DTWD2: variants seen among roughly 807,000 people sequenced by gnomAD.
DTWD2 encodes the protein tRNA-uridine aminocarboxypropyltransferase 2.
A neutral mutation model predicts 31.8 loss-of-function variants in DTWD2; 39 were observed. The observed-to-expected ratio is 1.22, with a 90% CI of 0.95 to 1.60. The LOEUF (loss-of-function observed/expected upper bound fraction) is 1.60, where lower values mean the gene tolerates loss of function less well. Ranked by LOEUF, DTWD2 falls within the 40% of genes most tolerant of loss-of-function variation. The pLI is 0.00. For missense variants in DTWD2, 515 were observed against 381.5 expected (o/e 1.35, Z -2.92); for synonymous variants, 180 against 142.8 (o/e 1.26, Z -1.86).
intron 1 of DTWD2, among the ~76,000 whole-genome samples, chr5:118,955,075 A>G (rs540563390): frequency 6.6e-6 from 1 of 152,348 alleles, no homozygotes; most frequent in East Asian, 1.9e-4. Context: ...TGAAGAAAAC[A>G]GTTACTAAAA....
At chr5:118,952,165 A>C (rs1317480353) in intron 1 of DTWD2, among the ~76,000 whole-genome samples, 2 of 152,176 alleles carry the variant, frequency 1.3e-5, no homozygotes, top group Non-Finnish European at 2.9e-5. Flanking sequence ...GGTTGGTCTG[A>C]GGACCAGAGG....
At chr5:118,941,393 T>C (rs1367230133) in intron 2 of DTWD2, among the ~76,000 whole-genome samples, 3 of 152,320 alleles carry the variant, frequency 2.0e-5, no homozygotes, top group East Asian at 3.9e-4. Flanking sequence ...GTTCTCATTG[T>C]TCAATTCCCA....
In DTWD2 at chr5:118,861,286, G is replaced by C. The variant is rs79863929; in HGVS notation, c.598-13068C>G. Among the ~76,000 whole-genome samples the C allele has an allele frequency of 2.6e-5, 4 of 152,310 alleles. No individual in the cohort carries two copies. In the East Asian group the frequency reaches 7.7e-4, roughly 29 times the overall value. ...ATGATACCATGAGATTGAAGTTTAT[G>C]ATTAGAGTAAGCATTTGGTGAAGCC... On this transcript the variant is annotated intron_variant, in intron 4 of 5. Transcript: ENST00000510708.
chr5:118,841,337 A>T (rs1036528070), intron 5 of DTWD2, among the ~76,000 whole-genome samples: 1 of 152,244 alleles, frequency 6.6e-6, no homozygotes, highest in Non-Finnish European at 1.5e-5. Flanking sequence ...CACATAGGTA[A>T]TAAAGTCTGG....
chr5:118,853,701 A>G (rs1271396429), intron 4 of DTWD2, among the ~76,000 whole-genome samples: 1 of 152,210 alleles, frequency 6.6e-6, no homozygotes, highest in Non-Finnish European at 1.5e-5. Context: ...AACAATGGGT[A>G]CACACAGAAA....
At chr5:118,912,052 A>C (rs1309631183) in intron 4 of DTWD2, among the ~76,000 whole-genome samples, 1 of 152,212 alleles carries the variant, frequency 6.6e-6, no homozygotes, top group Non-Finnish European at 1.5e-5. Context: ...ATTAGAAGAC[A>C]CCTTTCTATA....
In DTWD2 at chr5:118,911,096, A is replaced by T. The variant is rs188245316; in HGVS notation, c.597+17441T>A. Among the ~76,000 whole-genome samples, 8 of 151,678 alleles carry T rather than the reference A, an allele frequency of 5.3e-5. 1 individual carries two copies. The East Asian group carries it at 1.3e-3, about 26-fold the overall frequency. ...CTGATCATGACAAACTCCAAAATAC[A>T]TAAGGAACTTATATAACTCAATAGC... On this transcript the variant is annotated intron_variant, in intron 4 of 5. Transcript: ENST00000510708.
At chr5:118,956,174 A>C (rs1319249601) in intron 1 of DTWD2, among the ~76,000 whole-genome samples, 1 of 152,212 alleles carries the variant, frequency 6.6e-6, no homozygotes, top group Non-Finnish European at 1.5e-5. Flanking sequence ...TATTATTTTG[A>C]GCTAATTTAT....
chr5:118,867,771 A>T (rs1480010568), intron 4 of DTWD2, among the ~76,000 whole-genome samples: 1 of 152,222 alleles, frequency 6.6e-6, no homozygotes, highest in African/African-American at 2.4e-5. Context: ...AAATTAACGA[A>T]GACACCAATA....
chr5:118,884,399 C>G (rs377687484), intron 4 of DTWD2, among the ~76,000 whole-genome samples: 90 of 152,284 alleles, frequency 5.9e-4, no homozygotes, highest in African/African-American at 1.8e-3. Context: ...AAATCAGTGT[C>G]TATGAACCAC....
chr5:118,974,455 G>A (rs541843382), intron 1 of DTWD2: 42 of 474,178 alleles, frequency 8.9e-5, no homozygotes, highest in African/African-American at 7.1e-4. Context: ...AATGATCTCC[G>A]ATGACCAAAC....
At chr5:118,947,965 C>G (rs1754376388) in intron 1 of DTWD2, among the ~76,000 whole-genome samples, 1 of 152,104 alleles carries the variant, frequency 6.6e-6, no homozygotes, top group African/African-American at 2.4e-5. Context: ...GTTAGACTCA[C>G]TTTAATAACA....
chr5:118,863,909 T>C (rs2149546035), intron 4 of DTWD2, among the ~76,000 whole-genome samples: 2 of 152,072 alleles, frequency 1.3e-5, no homozygotes, highest in Middle Eastern at 6.8e-3. Context: ...GTTGAACCCA[T>C]GTCTGTCCAG....
intron 4 of DTWD2, among the ~76,000 whole-genome samples, chr5:118,880,795 A>G (rs905553670): frequency 6.6e-6 from 1 of 152,194 alleles, no homozygotes; most frequent in African/African-American, 2.4e-5. Context: ...GTCACGGCTA[A>G]ACTTATACAT....
chr5:118,941,951 G>A (rs1230087593), intron 2 of DTWD2, among the ~76,000 whole-genome samples: 1 of 152,156 alleles, frequency 6.6e-6, no homozygotes, highest in Non-Finnish European at 1.5e-5. Flanking sequence ...ATTTTTTCAT[G>A]TGTCTGTTGG....
rs1754290532 is a variant in DTWD2, at chr5:118,944,595, G to A, written c.273C>T (p.Ile91=). 2 of 1,613,598 alleles carry A rather than the reference G, an allele frequency of 1.2e-6. No individual in the cohort carries two copies. Among genetic ancestry groups the A allele is most frequent in the Non-Finnish European group, 1.7e-6 (2 of 1,179,750 alleles). ...GCTGAATTATGTACAAGTGGGTAGA[G>A]ATATGCAGAGGGTGCGCTGGGAGAA... ...CPFLPAHPLH[I]STHLYIIQHP... Residue 91 remains isoleucine (I), a synonymous_variant, in exon 2 of 6, where the codon ATC becomes ATT. Coordinates refer to ENST00000510708, the MANE Select transcript of DTWD2 (RefSeq NM_173666.4).
At chr5:118,929,205 C>A (rs914974261) in intron 3 of DTWD2, among the ~76,000 whole-genome samples, 1 of 151,248 alleles carries the variant, frequency 6.6e-6, no homozygotes, top group African/African-American at 2.4e-5. Flanking sequence ...TCAAATTCAC[C>A]TTTGTTAAAG....
At chr5:118,921,290 T>C (rs186655929) in intron 4 of DTWD2, among the ~76,000 whole-genome samples, 55 of 152,090 alleles carry the variant, frequency 3.6e-4, no homozygotes, top group African/African-American at 1.3e-3. Flanking sequence ...GGCAGGGGGA[T>C]TGCTTGAAGC....
At chr5:118,841,137 A>T (rs1305309280) in intron 5 of DTWD2, 50 bp from the exon 6 acceptor site, 1 of 1,549,578 alleles carries the variant, frequency 6.5e-7, no homozygotes, top group Non-Finnish European at 8.7e-7. Flanking sequence ...AAATCATGAT[A>T]TTCTATCTAT....
Sources: gnomAD v4.1 joint callset for allele counts (sites outside exome capture counted in the v4.1 genomes callset) on GRCh38, gnomAD v4.1.1 for gene constraint, MANE v1.5 for transcripts, NCBI Gene and HGNC (gene_info 2026-07-23, HGNC 2026-07-21) for gene names.